The following GRIN2A variants were observed in gnomAD, a reference collection of about 807,000 sequenced individuals.
GRIN2A encodes the protein glutamate receptor ionotropic, NMDA 2A.
GRIN2A carries 22 observed loss-of-function variants against 113.4 expected under a neutral mutation model. The ratio of observed to expected loss-of-function variants is 0.19; its 90% CI spans 0.14 to 0.28. GRIN2A has a LOEUF of 0.28. Among genes scored for constraint, GRIN2A ranks in the 10% least tolerant of loss-of-function variants. The probability of loss-of-function intolerance (pLI) is 1.00; values close to 1 mark genes in which losing one functional copy is unlikely to be tolerated. For missense variants in GRIN2A, 1,502 were observed against 1,887.0 expected (o/e 0.80, Z 3.78); for synonymous variants, 827 against 738.4 (o/e 1.12, Z -1.94).
At chr16:10,165,923 C>T (rs962501820) in intron 2 of GRIN2A, among the ~76,000 whole-genome samples, 7 of 152,138 alleles carry the variant, frequency 4.6e-5, no homozygotes, top group African/African-American at 1.2e-4. Context: ...AAGGTCTTCA[C>T]CCAAGGCCTG....
chr16:10,130,493 G>C (rs1299342418), intron 2 of GRIN2A, among the ~76,000 whole-genome samples: 1 of 152,210 alleles, frequency 6.6e-6, no homozygotes, highest in Non-Finnish European at 1.5e-5. Flanking sequence ...CTGCTGAGTA[G>C]ACTTTAAATG....
At chr16:10,025,893 G>A (rs1432931854) in intron 2 of GRIN2A, among the ~76,000 whole-genome samples, 1 of 152,156 alleles carries the variant, frequency 6.6e-6, no homozygotes, top group African/African-American at 2.4e-5. Flanking sequence ...TGTATCCGAG[G>A]CAGTGGAAGT....
At chr16:9,934,299 G>T (rs985620789) in intron 3 of GRIN2A, among the ~76,000 whole-genome samples, 28 of 152,116 alleles carry the variant, frequency 1.8e-4, no homozygotes, top group African/African-American at 6.5e-4. Context: ...TGGTGTTTGA[G>T]GAGAGAAATT....
chr16:10,147,455 C>CAAAAAAAAAAAAAAAAAAAAAAAAAAAA (rs367830700), intron 2 of GRIN2A, among the ~76,000 whole-genome samples: 1 of 72,942 alleles, frequency 1.4e-5, no homozygotes, highest in Non-Finnish European at 2.3e-5. Flanking sequence ...ACTAAAAATA[C>CAAAAAAAAAAAAAAAAAAAAAAAAAAAA]AAAAAAAAAA....
In GRIN2A at chr16:9,983,288, T is replaced by A. The variant is rs554126161; in HGVS notation, c.415-44737A>T. ...CTTCCTGGCCTCTAGTAACCACTAATCTACTTTCTACTTCCATGAGATCAA... is the reference window on the plus strand; with the variant it reads ...CTTCCTGGCCTCTAGTAACCACTAAACTACTTTCTACTTCCATGAGATCAA... On this transcript the variant is annotated intron_variant, in intron 2 of 12. Transcript: ENST00000330684. Among the ~76,000 whole-genome samples the A allele has an allele frequency of 5.0e-4, 76 of 152,340 alleles. 1 individual carries two copies. The South Asian group carries it at 0.015, about 31-fold the overall frequency.
At chr16:10,073,255 CA>C (rs1418267677) in intron 2 of GRIN2A, among the ~76,000 whole-genome samples, 1 of 152,134 alleles carries the variant, frequency 6.6e-6, no homozygotes, top group African/African-American at 2.4e-5. Flanking sequence ...CGTGCCCAGT[CA>C]AGATCCCGTA....
chr16:9,944,659 T>G (rs950578602), intron 2 of GRIN2A, among the ~76,000 whole-genome samples: 7 of 152,306 alleles, frequency 4.6e-5, no homozygotes, highest in Admixed American at 6.5e-5. Flanking sequence ...TCCTTCAGAC[T>G]GACAATTCTT....
chr16:10,111,376 G>A (rs1159407119), intron 2 of GRIN2A: 7 of 461,778 alleles, frequency 1.5e-5, no homozygotes, highest in Admixed American at 3.3e-5. Flanking sequence ...GGGGCCTTGC[G>A]GCAGCATGGC....
intron 3 of GRIN2A, among the ~76,000 whole-genome samples, chr16:9,933,011 T>A (rs7198814): frequency 0.19 from 28,322 of 152,132 alleles, 2,824 homozygotes; most frequent in Middle Eastern, 0.24. Flanking sequence ...AAACAGGTCA[T>A]GGTTTACCTT....
At chr16:9,989,263 C>T (rs1398256020) in intron 2 of GRIN2A, among the ~76,000 whole-genome samples, 7 of 152,074 alleles carry the variant, frequency 4.6e-5, no homozygotes, top group Non-Finnish European at 5.9e-5. Context: ...TGATCTTTGA[C>T]AAAGTCAACA....
At position 9,763,958 on chromosome 16, in the gene GRIN2A, T is replaced by C; in HGVS notation, c.3586A>G (p.Lys1196Glu). ...LYSKHFTLKD[K>E]GSPHSETSER... Reference sequence around the variant, plus strand: ...CTGGTCTCACTGTGCGGGGAACCCTTGTCTTTCAAGGTGAAGTGCTTGGAG... The same window carrying C: ...CTGGTCTCACTGTGCGGGGAACCCTCGTCTTTCAAGGTGAAGTGCTTGGAG... The change falls in exon 13 of 13, where the codon AAG becomes GAG. Residue 1196 changes from lysine to glutamate, a missense_variant. Coordinates refer to ENST00000330684, the MANE Select transcript of GRIN2A (RefSeq NM_001134407.3). 1 of 1,614,154 alleles carries C rather than the reference T, an allele frequency of 6.2e-7. No individual in the cohort carries two copies. The highest frequency in any genetic ancestry group is 2.2e-5 in the East Asian group (1 of 44,874).
intron 3 of GRIN2A, among the ~76,000 whole-genome samples, chr16:9,900,234 G>A (rs2043894222): frequency 6.6e-6 from 1 of 152,164 alleles, no homozygotes; most frequent in Non-Finnish European, 1.5e-5. Context: ...CCGAAGGGAG[G>A]CAATGAGAGC....
chr16:9,758,713 C>A lies in GRIN2A; in HGVS notation c.*4436G>T. On this transcript the variant is annotated 3_prime_UTR_variant, in exon 13 of 13. Coordinates refer to ENST00000330684, the MANE Select transcript of GRIN2A (RefSeq NM_001134407.3). ...ATATCAAGTGGCAAGCTGACCTCAT[C>A]TGATACAATTAGATATGAACACAGT... 1 of 215,800 alleles carries A rather than the reference C, an allele frequency of 4.6e-6. No homozygotes were observed. The highest frequency in any genetic ancestry group is 9.4e-6 in the Non-Finnish European group (1 of 106,940). 13.4% of individuals were successfully genotyped at this position (215,800 alleles called of 1,614,324 possible).
chr16:10,086,445 T>C (rs947274142), intron 2 of GRIN2A, among the ~76,000 whole-genome samples: 16 of 151,930 alleles, frequency 1.1e-4, no homozygotes, highest in Admixed American at 9.2e-4. Context: ...ACAGGCAAGA[T>C]TGCAAACACA....
chr16:10,006,144 G>C (rs2094575779), intron 2 of GRIN2A, among the ~76,000 whole-genome samples: 1 of 152,138 alleles, frequency 6.6e-6, no homozygotes, highest in African/African-American at 2.4e-5. Flanking sequence ...ATTGTCCCAG[G>C]AACCTGGACA....
intron 3 of GRIN2A, among the ~76,000 whole-genome samples, chr16:9,931,164 T>A (rs970658825): frequency 6.6e-6 from 1 of 152,148 alleles, no homozygotes; most frequent in African/African-American, 2.4e-5. Flanking sequence ...AACTTCTCCA[T>A]GTCCTACTTC....
intron 2 of GRIN2A, among the ~76,000 whole-genome samples, chr16:9,950,439 G>C (rs1283443780): frequency 6.6e-6 from 1 of 152,076 alleles, no homozygotes; most frequent in Non-Finnish European, 1.5e-5. Flanking sequence ...GGAGGGAGGA[G>C]GTCACCACCC....
chr16:9,868,251 G>A (rs1176228144), intron 4 of GRIN2A, among the ~76,000 whole-genome samples: 1 of 151,992 alleles, frequency 6.6e-6, no homozygotes, highest in East Asian at 1.9e-4. Flanking sequence ...TCTCCAAACA[G>A]CAGCCCAAAC....
intron 4 of GRIN2A, among the ~76,000 whole-genome samples, chr16:9,888,629 T>G (rs2043632506): frequency 6.6e-6 from 1 of 151,984 alleles, no homozygotes; most frequent in South Asian, 2.1e-4. Flanking sequence ...GATATAAGCT[T>G]ATTTAATATA....
Sources: allele counts gnomAD v4.1 joint callset (sites outside exome capture counted in the v4.1 genomes callset), GRCh38; gene constraint gnomAD v4.1.1; transcripts MANE v1.5; gene names NCBI Gene and HGNC (gene_info 2026-07-23, HGNC 2026-07-21).